The following UGT1A5 variants were observed in gnomAD, a reference collection of about 807,000 sequenced individuals.
The protein encoded by UGT1A5 is UDP glucuronosyltransferase family 1 member A5.
Under a neutral mutation model 40.3 loss-of-function variants are expected in UGT1A5, and 29 were observed. The ratio of observed to expected loss-of-function variants is 0.72; its 90% CI spans 0.54 to 0.98. The LOEUF (loss-of-function observed/expected upper bound fraction) is 0.98, where lower values mean the gene tolerates loss of function less well. Ranked by LOEUF, UGT1A5 falls within the 50% of genes least tolerant of loss-of-function variation. The pLI is 0.00. For missense variants in UGT1A5, 678 were observed against 677.9 expected, an observed-to-expected ratio of 1.00 and a Z score of 0.00; for synonymous variants, 257 against 262.5, an observed-to-expected ratio of 0.98 and a Z score of 0.20.
intron 1 of UGT1A5, among the ~76,000 whole-genome samples, chr2:233,748,877 G>T (rs1694052195): frequency 6.6e-6 from 1 of 151,560 alleles, no homozygotes; most frequent in Admixed American, 6.6e-5. Flanking sequence ...GGACGGTGAT[G>T]AATGGACATG....
chr2:233,747,565 A>G, intron 1 of UGT1A5: 1 of 1,593,778 alleles, frequency 6.3e-7, no homozygotes, highest in Non-Finnish European at 8.6e-7. Flanking sequence ...GCAATTTTGA[A>G]AAATTCATCT....
chr2:233,757,568 A>ATATATATATATATATATATATG, intron 1 of UGT1A5, among the ~76,000 whole-genome samples: 1 of 142,136 alleles, frequency 7.0e-6, no homozygotes, highest in Non-Finnish European at 1.5e-5. Context: ...ATATGTATAT[A>ATATATATATATATATATATATG]TGATATAGCT....
At chr2:233,716,194 A>G (rs945930665) in intron 1 of UGT1A5, among the ~76,000 whole-genome samples, 4 of 152,112 alleles carry the variant, frequency 2.6e-5, no homozygotes, top group Non-Finnish European at 4.4e-5. Flanking sequence ...TAATTCTTAC[A>G]TCTGTCTCTT....
At chr2:233,741,745 T>C (rs1691762813) in intron 1 of UGT1A5, 2 of 151,906 alleles carry the variant, frequency 1.3e-5, no homozygotes, top group African/African-American at 4.9e-5. Context: ...TCACACTCTT[T>C]GTTGGTTAAT....
intron 2 of UGT1A5, 82 bp from the exon 3 acceptor site, chr2:233,767,765 CCT>C (rs1699477727): frequency 9.3e-6 from 15 of 1,608,904 alleles, no homozygotes; most frequent in Admixed American, 1.7e-5. Context: ...TCAGAGGACC[CCT>C]GTTTTCTAGT....
intron 1 of UGT1A5, chr2:233,744,024 G>T: frequency 1.1e-6 from 1 of 951,358 alleles, no homozygotes; most frequent in Non-Finnish European, 1.4e-6. Flanking sequence ...CTGGAGAGAC[G>T]CCCCTTATGA....
rs191127700 is a variant in UGT1A5, at chr2:233,728,874, G to T, written c.867+15016G>T. 1.3e-4 allele frequency among the ~76,000 whole-genome samples: 20 copies of T among 152,302 alleles called. No homozygotes were observed. In the East Asian group the frequency reaches 3.7e-3, roughly 28 times the overall value. Reference sequence around the variant, plus strand: ...GATGAGAAACAAGAGCTTGAACTTGGATGTTCCCCAGAGTGAGCACAGGGT... The same window carrying T: ...GATGAGAAACAAGAGCTTGAACTTGTATGTTCCCCAGAGTGAGCACAGGGT... On this transcript the variant is annotated intron_variant, in intron 1 of 4. Transcript: ENST00000373414.
At chr2:233,740,213 C>T (rs984335401) in intron 1 of UGT1A5, among the ~76,000 whole-genome samples, 14 of 151,922 alleles carry the variant, frequency 9.2e-5, no homozygotes, top group Middle Eastern at 3.4e-3. Flanking sequence ...TACCCAGTCT[C>T]AGCTGCGTCT....
At chr2:233,756,198 G>C (rs1023408746) in intron 1 of UGT1A5, 1 of 152,220 alleles carries the variant, frequency 6.6e-6, no homozygotes, top group Non-Finnish European at 1.5e-5. Flanking sequence ...TAGCAGAGTA[G>C]TCCCTGGTAT....
chr2:233,768,820 G>A (rs1699735908), intron 4 of UGT1A5, among the ~76,000 whole-genome samples: 1 of 151,998 alleles, frequency 6.6e-6, no homozygotes, highest in Non-Finnish European at 1.5e-5. Flanking sequence ...CTGACTTCAG[G>A]TGATCCACCT....
intron 1 of UGT1A5, chr2:233,753,260 C>T (rs917926378): frequency 2.6e-5 from 4 of 152,220 alleles, no homozygotes; most frequent in African/African-American, 9.6e-5. Context: ...ACTACCCAGG[C>T]ACCTTGGAGC....
At position 233,772,501 on chromosome 2, in the gene UGT1A5, G is replaced by T. The variant is rs778667717; in HGVS notation, c.1547G>T (p.Arg516Leu). 1.3e-5 allele frequency: 21 copies of T among 1,614,038 alleles called. No homozygotes were observed. In the African/African-American group the frequency reaches 2.5e-4, roughly 19 times the overall value. The change falls in exon 5 of 5, where the codon CGG (arginine) becomes CTG (leucine). Residue 516 changes from arginine to leucine, a missense_variant. By Grantham distance (102) the Arg-to-Leu change is moderately radical. Coordinates refer to ENST00000373414, the MANE Select transcript of UGT1A5 (RefSeq NM_019078.2). ...ITFKCCAYGY[R>L]KCLGKKGRVK... Reference sequence around the variant, plus strand: ...TTTAAATGTTGTGCTTATGGCTACCGGAAATGCTTGGGGAAAAAAGGGCGA... The same window carrying T: ...TTTAAATGTTGTGCTTATGGCTACCTGAAATGCTTGGGGAAAAAAGGGCGA...
At chr2:233,753,727 C>T (rs767953067) in intron 1 of UGT1A5, 2 of 152,174 alleles carry the variant, frequency 1.3e-5, no homozygotes, top group African/African-American at 2.4e-5. Flanking sequence ...ATTTGATATG[C>T]CCCAAGCACA....
chr2:233,767,017 T>G lies in UGT1A5; in HGVS notation c.868-17T>G, dbSNP rs779272297. On this transcript the variant is annotated splice_polypyrimidine_tract_variant and intron_variant, in intron 1 of 4. Transcript: ENST00000373414. Reference sequence around the variant, plus strand: ...ATATGAGAAAAAATTAACTGAAAATTTTTCTTCTGGCTCTAGGAATTTGAA... The same window carrying G: ...ATATGAGAAAAAATTAACTGAAAATGTTTCTTCTGGCTCTAGGAATTTGAA... The G allele has an allele frequency of 6.2e-7, 1 of 1,613,758 alleles. No individual in the cohort carries two copies. The highest frequency in any genetic ancestry group is 8.5e-7 in the Non-Finnish European group (1 of 1,179,982).
chr2:233,718,731 G>A lies in UGT1A5; in HGVS notation c.867+4873G>A, dbSNP rs1001779280. On this transcript the variant is annotated intron_variant, in intron 1 of 4. Transcript: ENST00000373414. ...CCAATTACATGCTGATTTGCTAGGT[G>A]GCTCAATGACAAGGTAATTAAGGCG... 17 of 1,611,218 alleles carry A rather than the reference G, an allele frequency of 1.1e-5. No homozygotes were observed. In the Admixed American group the frequency reaches 2.7e-4, roughly 25 times the overall value.
intron 1 of UGT1A5, among the ~76,000 whole-genome samples, chr2:233,733,416 G>C (rs570726599): frequency 6.6e-6 from 1 of 152,104 alleles, no homozygotes; most frequent in Non-Finnish European, 1.5e-5. Context: ...TCCAGTTTTC[G>C]CCTACTCAGT....
At chr2:233,762,867 G>T (rs1181874118) in intron 1 of UGT1A5, among the ~76,000 whole-genome samples, 2 of 151,628 alleles carry the variant, frequency 1.3e-5, no homozygotes, top group African/African-American at 2.4e-5. Flanking sequence ...AAGAAATTTT[G>T]GTTTCTTCTC....
chr2:233,718,849 C>T (rs199761544), intron 1 of UGT1A5: 64 of 1,613,712 alleles, frequency 4.0e-5, no homozygotes, highest in South Asian at 1.6e-4. Flanking sequence ...GTTCCCCTGC[C>T]GCGGCTGGCC....
At chr2:233,718,727 A>G in intron 1 of UGT1A5, 1 of 1,610,864 alleles carries the variant, frequency 6.2e-7, no homozygotes, top group Non-Finnish European at 8.5e-7. Context: ...CTGATTTGCT[A>G]GGTGGCTCAA....
Sources: gnomAD v4.1 joint callset for allele counts (sites outside exome capture counted in the v4.1 genomes callset) on GRCh38, gnomAD v4.1.1 for gene constraint, MANE v1.5 for transcripts, NCBI Gene and HGNC (gene_info 2026-07-23, HGNC 2026-07-21) for gene names.